The following CAPZB variants were observed in gnomAD, a reference collection of about 807,000 sequenced individuals.
The protein encoded by CAPZB is F-actin-capping protein subunit beta.
Under a neutral mutation model 38.1 loss-of-function variants are expected in CAPZB, and 2 were observed. That is an observed-to-expected ratio of 0.05 (90% CI 0.02 to 0.17). CAPZB has a LOEUF of 0.17. Ranked by LOEUF, CAPZB falls within the 10% of genes least tolerant of loss-of-function variation. The pLI is 1.00. For missense variants in CAPZB, 161 were observed against 334.2 expected (o/e 0.48, Z 4.04); for synonymous variants, 107 against 127.4 (o/e 0.84, Z 1.08).
chr1:19,479,363 A>G (rs1395794483), intron 1 of CAPZB, among the ~76,000 whole-genome samples: 1 of 152,202 alleles, frequency 6.6e-6, no homozygotes, highest in Non-Finnish European at 1.5e-5. Context: ...CTGCAGTCAC[A>G]GAGTCACTGG....
intron 2 of CAPZB, among the ~76,000 whole-genome samples, chr1:19,413,837 T>G (rs1195772564): frequency 6.6e-6 from 1 of 152,178 alleles, no homozygotes; most frequent in Non-Finnish European, 1.5e-5. Flanking sequence ...CCAGGCCCAG[T>G]GCAGCTTCAT....
intron 1 of CAPZB, among the ~76,000 whole-genome samples, chr1:19,421,217 G>A (rs2094399902): frequency 6.6e-6 from 1 of 152,164 alleles, no homozygotes; most frequent in Admixed American, 6.5e-5. Flanking sequence ...TGGCCTTAAC[G>A]AAATATAACT....
At chr1:19,445,557 A>G (rs2094493213) in intron 1 of CAPZB, among the ~76,000 whole-genome samples, 1 of 152,200 alleles carries the variant, frequency 6.6e-6, no homozygotes, top group Non-Finnish European at 1.5e-5. Context: ...GTAACTGCCA[A>G]TAATAACTTG....
At chr1:19,475,131 A>T (rs977723665) in intron 1 of CAPZB, among the ~76,000 whole-genome samples, 7 of 152,210 alleles carry the variant, frequency 4.6e-5, no homozygotes, top group Non-Finnish European at 1.0e-4. Flanking sequence ...TGTTGTGGTT[A>T]ATGTTAATAA....
intron 6 of CAPZB, among the ~76,000 whole-genome samples, chr1:19,349,810 G>A (rs1469255124): frequency 6.6e-6 from 1 of 152,108 alleles, no homozygotes; most frequent in East Asian, 1.9e-4. Context: ...GGGAGTGAGG[G>A]GCACAGGGCT....
At chr1:19,408,035 C>T (rs1198532882) in intron 2 of CAPZB, among the ~76,000 whole-genome samples, 1 of 152,216 alleles carries the variant, frequency 6.6e-6, no homozygotes, top group Non-Finnish European at 1.5e-5. Flanking sequence ...GACAAGTTCT[C>T]ATGACTATCT....
At chr1:19,383,032 A>C in intron 3 of CAPZB, among the ~76,000 whole-genome samples, 1 of 151,702 alleles carries the variant, frequency 6.6e-6, no homozygotes, top group Non-Finnish European at 1.5e-5. Flanking sequence ...TAATCCTAGC[A>C]ATTTGGGAAG....
chr1:19,353,070 G>A (rs1374935279), intron 6 of CAPZB, among the ~76,000 whole-genome samples: 2 of 152,242 alleles, frequency 1.3e-5, no homozygotes, highest in Non-Finnish European at 2.9e-5. Context: ...ACAAGGGTGC[G>A]CCCGGGGCCA....
chr1:19,448,755 TG>T, intron 1 of CAPZB: 1 of 1,529,930 alleles, frequency 6.5e-7, no homozygotes, highest in Non-Finnish European at 9.0e-7. Context: ...CCCTTCACCC[TG>T]GCAGTTAACA....
At chr1:19,457,167 G>T (rs937491996) in intron 1 of CAPZB, among the ~76,000 whole-genome samples, 1 of 152,196 alleles carries the variant, frequency 6.6e-6, no homozygotes, top group African/African-American at 2.4e-5. Flanking sequence ...AAAGGGAGGG[G>T]CCTTGGGATT....
intron 1 of CAPZB, among the ~76,000 whole-genome samples, chr1:19,433,411 T>C (rs1192792397): frequency 1.3e-5 from 2 of 152,072 alleles, no homozygotes; most frequent in African/African-American, 2.4e-5. Context: ...CTAAGAAAAG[T>C]AAACTCCTTT....
chr1:19,438,461 T>G (rs1269207039), intron 1 of CAPZB, among the ~76,000 whole-genome samples: 1 of 151,998 alleles, frequency 6.6e-6, no homozygotes, highest in East Asian at 1.9e-4. Flanking sequence ...AATGAGAAAA[T>G]TCAATTAAGA....
chr1:19,364,830 G>C (rs2094074188), intron 4 of CAPZB, among the ~76,000 whole-genome samples: 1 of 151,886 alleles, frequency 6.6e-6, no homozygotes, highest in Non-Finnish European at 1.5e-5. Flanking sequence ...ATCTCAAATG[G>C]AGTATTTTTT....
At chr1:19,375,545 A>G (rs2094140467) in intron 4 of CAPZB, among the ~76,000 whole-genome samples, 1 of 152,178 alleles carries the variant, frequency 6.6e-6, no homozygotes, top group African/African-American at 2.4e-5. Flanking sequence ...ACTGTTGCAG[A>G]CCCTCGGGGT....
intron 1 of CAPZB, among the ~76,000 whole-genome samples, chr1:19,432,735 T>A (rs2094446489): frequency 6.6e-6 from 1 of 152,186 alleles, no homozygotes; most frequent in African/African-American, 2.4e-5. Flanking sequence ...CCCAGAGCAC[T>A]GAATGACACA....
chr1:19,454,234 A>G (rs1012408628), intron 1 of CAPZB, among the ~76,000 whole-genome samples: 26 of 152,342 alleles, frequency 1.7e-4, no homozygotes, highest in African/African-American at 6.3e-4. Flanking sequence ...CCATCCCTGC[A>G]GTGCTGATAA....
intron 1 of CAPZB, among the ~76,000 whole-genome samples, chr1:19,480,385 C>T (rs981757499): frequency 6.6e-5 from 10 of 152,148 alleles, no homozygotes; most frequent in Admixed American, 2.0e-4. Context: ...GGGAATTAGC[C>T]GCCTCACTGA....
intron 8 of CAPZB, among the ~76,000 whole-genome samples, chr1:19,339,895 C>T (rs1474852346): frequency 6.6e-6 from 1 of 152,208 alleles, no homozygotes; most frequent in Non-Finnish European, 1.5e-5. Context: ...ACCGGTGACC[C>T]GGCCATAGTC....
chr1:19,468,555 G>T (rs1188902181), intron 1 of CAPZB, among the ~76,000 whole-genome samples: 2 of 152,112 alleles, frequency 1.3e-5, no homozygotes. Context: ...TCAGCTGTGC[G>T]GCAGGGTGGG....
Sources: gnomAD v4.1 joint callset for allele counts (sites outside exome capture counted in the v4.1 genomes callset) on GRCh38, gnomAD v4.1.1 for gene constraint, MANE v1.5 for transcripts, NCBI Gene and HGNC (gene_info 2026-07-23, HGNC 2026-07-21) for gene names.